GFM1: variants seen among roughly 807,000 people sequenced by gnomAD.
GFM1 encodes the protein elongation factor G, mitochondrial.
A neutral mutation model predicts 96.2 loss-of-function variants in GFM1; 62 were observed. The observed-to-expected ratio is 0.64, with a 90% confidence interval of 0.53 to 0.80. The LOEUF is 0.80. Among genes scored for constraint, GFM1 ranks in the 30% least tolerant of loss-of-function variants. GFM1 has a pLI of 0.00. For missense variants in GFM1, 852 were observed against 916.6 expected (o/e 0.93, Z 0.91); for synonymous variants, 282 against 312.9 (o/e 0.90, Z 1.04).
At chr3:158,654,778 T>C in intron 8 of GFM1, 147 bp downstream of exon 8, 1 of 662,756 alleles carries the variant, frequency 1.5e-6, no homozygotes, top group Non-Finnish European at 2.7e-6. Context: ...TCCAAAGCTC[T>C]GACATGATAG....
chr3:158,651,896 T>C (rs971725401), intron 5 of GFM1, among the ~76,000 whole-genome samples, 200 bp from the exon 6 acceptor site: 3 of 152,254 alleles, frequency 2.0e-5, no homozygotes, highest in African/African-American at 7.2e-5. Context: ...GACCTTAAAC[T>C]TGCCTATTTC....
chr3:158,682,219 A>T (rs1238689894), intron 14 of GFM1, 62 bp downstream of exon 14: 46 of 1,356,038 alleles, frequency 3.4e-5, no homozygotes, highest in Non-Finnish European at 4.6e-5. Context: ...TCAGGTATTA[A>T]ATCATACTTT....
intron 15 of GFM1, among the ~76,000 whole-genome samples, chr3:158,688,678 A>G (rs911219769): frequency 1.3e-5 from 2 of 152,174 alleles, no homozygotes; most frequent in South Asian, 2.1e-4. Context: ...AACTTTTTCT[A>G]TACTCTAAAA....
Position 158,646,319 on chromosome 3 carries a change from A to T in GFM1, c.367+22A>T, listed in dbSNP as rs568400227. ...CCTGGTGAGTTGGATTCTTGGTTTT[A>T]TTGCAGCTTCTTTGGCAAAAGCACA... On this transcript the variant is annotated intron_variant, in intron 3 of 17. Coordinates refer to ENST00000486715, the MANE Select transcript of GFM1 (RefSeq NM_024996.7). The T allele has an allele frequency of 5.5e-5, 89 of 1,613,566 alleles. 1 individual carries two copies. The South Asian group carries it at 9.1e-4, about 17-fold the overall frequency.
chr3:158,658,972 A>G lies in GFM1; in HGVS notation c.1134A>G (p.Leu378=). Residue 378 remains leucine (L), a synonymous_variant, in exon 9 of 18, where the codon CTA becomes CTG. Coordinates refer to ENST00000486715, the MANE Select transcript of GFM1 (RefSeq NM_024996.7). The part of the protein sequence containing the change: ...LTYVRSYQGE[L]KKGDTIYNTR... ...ATGTTCGCAGTTATCAGGGAGAGCT[A>G]AAGAAGGGTGACACCATCTATAACA... 6.2e-7 allele frequency: 1 copy of G among 1,614,150 alleles called. No individual in the cohort carries two copies. Among genetic ancestry groups the G allele is most frequent in the Non-Finnish European group, 8.5e-7 (1 of 1,180,012 alleles).
At chr3:158,667,657 G>A (rs982968000) in intron 13 of GFM1, among the ~76,000 whole-genome samples, 5 of 152,200 alleles carry the variant, frequency 3.3e-5, no homozygotes, top group East Asian at 1.9e-4. Context: ...GCATGCCTGT[G>A]TGTGCCTGTA....
intron 8 of GFM1, among the ~76,000 whole-genome samples, chr3:158,657,935 G>A (rs891215461): frequency 1.3e-5 from 2 of 151,958 alleles, no homozygotes; most frequent in East Asian, 1.9e-4. Flanking sequence ...TTTTATATCT[G>A]TCAGGGTTAG....
intron 3 of GFM1, 82 bp from the exon 4 acceptor site, chr3:158,646,661 A>C: frequency 1.8e-6 from 2 of 1,130,944 alleles, no homozygotes; most frequent in Non-Finnish European, 2.6e-6. Flanking sequence ...TGTGATGAGC[A>C]GAGATACAAA....
intron 9 of GFM1, 23 bp downstream of exon 9, chr3:158,659,082 AT>A: frequency 1.2e-6 from 2 of 1,613,982 alleles, no homozygotes; most frequent in Non-Finnish European, 1.7e-6. Context: ...TCATTGTGAG[AT>A]TAGAAATTCC....
chr3:158,667,494 CT>C (rs1723822746), intron 13 of GFM1, among the ~76,000 whole-genome samples: 1 of 152,144 alleles, frequency 6.6e-6, no homozygotes, highest in African/African-American at 2.4e-5. Context: ...TTTTTGAAAA[CT>C]GAAAATAAGG....
chr3:158,690,054 T>G (rs1726177716), intron 15 of GFM1, 109 bp from the exon 16 acceptor site: 87 of 910,904 alleles, frequency 9.6e-5, no homozygotes, highest in Non-Finnish European at 7.7e-5. Context: ...ACCTTGCCGT[T>G]TGTGTTTGTA....
intron 7 of GFM1, among the ~76,000 whole-genome samples, chr3:158,653,870 A>C (rs2108021200): frequency 6.6e-6 from 1 of 152,234 alleles, no homozygotes; most frequent in Non-Finnish European, 1.5e-5. Flanking sequence ...TGGGAGTTTG[A>C]GACCAGCCTG....
intron 10 of GFM1, 42 bp from the exon 11 acceptor site, chr3:158,662,586 C>A: frequency 1.7e-6 from 2 of 1,196,968 alleles, no homozygotes; most frequent in South Asian, 2.4e-5. Context: ...CCATATGGGT[C>A]TGTTTTTTAA....
intron 11 of GFM1, among the ~76,000 whole-genome samples, chr3:158,664,368 A>G (rs905947515): frequency 2.0e-5 from 3 of 152,212 alleles, no homozygotes; most frequent in Admixed American, 6.5e-5. Flanking sequence ...TGGAGGCTCT[A>G]TGGGAGAATT....
In GFM1 at chr3:158,692,485, T is replaced by C. The variant is rs1451268255; in HGVS notation, c.*1018T>C. On this transcript the variant is annotated 3_prime_UTR_variant, in exon 18 of 18. Coordinates refer to ENST00000486715, the MANE Select transcript of GFM1 (RefSeq NM_024996.7). ...AGCAGTTCTATTACCCGGTTCAGAATTGCTTCATCCAAAAATCATCTGATG... is the reference window on the plus strand; with the variant it reads ...AGCAGTTCTATTACCCGGTTCAGAACTGCTTCATCCAAAAATCATCTGATG... The C allele has an allele frequency of 6.6e-6, 1 of 152,216 alleles. No homozygotes were observed. The highest frequency in any genetic ancestry group is 2.4e-5 in the African/African-American group (1 of 41,454). The allele number at this position is 152,216 out of a possible 1,614,324, so 9.4% of individuals were successfully genotyped here.
chr3:158,684,626 G>C lies in GFM1; in HGVS notation c.1867G>C (p.Glu623Gln). 1 of 1,614,102 alleles carries C rather than the reference G, an allele frequency of 6.2e-7. No individual in the cohort carries two copies. The highest frequency in any genetic ancestry group is 8.5e-7 in the Non-Finnish European group (1 of 1,179,994). The change falls in exon 15 of 18, where the codon GAA (glutamate) becomes CAA (glutamine). Residue 623 changes from glutamate (E) to glutamine (Q), a missense_variant. Transcript: ENST00000486715. The stretch of plus-strand genomic sequence containing the variant: ...AGCACACCACATGGTTGATTCTAAT[G>C]AAATCTCTTTCATCCGAGCAGGAGA... ...DGAHHMVDSN[E>Q]ISFIRAGEGA...
intron 15 of GFM1, chr3:158,685,334 T>C (rs1003195813): frequency 6.6e-6 from 1 of 152,310 alleles, no homozygotes; most frequent in African/African-American, 2.4e-5. Context: ...AGCCATTTCC[T>C]GAAGCCAGAA....
intron 15 of GFM1, among the ~76,000 whole-genome samples, chr3:158,688,729 G>T (rs909875631): frequency 7.9e-5 from 12 of 152,128 alleles, no homozygotes; most frequent in African/African-American, 2.9e-4. Flanking sequence ...TTTCTGCAGG[G>T]CTTAGCCAGT....
chr3:158,669,701 T>C, intron 13 of GFM1: 1 of 1,223,616 alleles, frequency 8.2e-7, no homozygotes, highest in South Asian at 1.4e-5. Flanking sequence ...CATAGGCTCC[T>C]AATGGTGTTG....
Sources: allele counts gnomAD v4.1 joint callset (sites outside exome capture counted in the v4.1 genomes callset), GRCh38; gene constraint gnomAD v4.1.1; transcripts MANE v1.5; gene names NCBI Gene and HGNC (gene_info 2026-07-23, HGNC 2026-07-21).